The following FLRT3 variants were observed in gnomAD, a reference collection of about 807,000 sequenced individuals.
FLRT3 encodes the protein leucine-rich repeat transmembrane protein FLRT3.
A neutral mutation model predicts 42.6 loss-of-function variants in FLRT3; 17 were observed. That is an observed-to-expected ratio of 0.40 (90% CI 0.27 to 0.60). FLRT3 has a LOEUF of 0.60. FLRT3 is among the 20% of genes least tolerant of loss of function. The pLI is 0.44. For synonymous variants in FLRT3, 279 were observed against 286.4 expected, an observed-to-expected ratio of 0.97 and a Z score of 0.26; for missense variants, 635 against 789.2, an observed-to-expected ratio of 0.80 and a Z score of 2.34.
intron 1 of FLRT3, 43 bp downstream of exon 1, chr20:14,337,361 A>G (rs961320028): frequency 6.8e-5 from 23 of 335,850 alleles, no homozygotes; most frequent in African/African-American, 4.9e-4. Flanking sequence ...AACCAAGCAA[A>G]CTTTCTGGGA....
intron 1 of FLRT3, among the ~76,000 whole-genome samples, chr20:14,333,030 C>T (rs926286496): frequency 1.3e-5 from 2 of 151,928 alleles, no homozygotes; most frequent in South Asian, 2.1e-4. Context: ...TTAAATTTTC[C>T]ATGATCATCA....
rs376930710 is a variant in FLRT3, at chr20:14,325,600, T to C, written c.1907A>G (p.Tyr636Cys). Residue 636 changes from tyrosine (Y) to cysteine (C), a missense_variant, in exon 3 of 3, where the codon TAC becomes TGC. Coordinates refer to ENST00000341420, the MANE Select transcript of FLRT3 (RefSeq NM_198391.3). ...TGAGTCTGGAATACCACTGTCTCTG[T>C]AGCTTCGGTTACTACTGCTTTCACT... ...NHSESSSNRSYRDSGIPDSDH... is the reference protein window; with the variant it reads ...NHSESSSNRSCRDSGIPDSDH... 1.9e-5 allele frequency: 30 copies of C among 1,613,252 alleles called. No individual in the cohort carries two copies. The highest frequency in any genetic ancestry group is 2.7e-5 in the African/African-American group (2 of 74,876).
chr20:14,324,157 A>G lies in FLRT3; in HGVS notation c.*1400T>C, dbSNP rs1416235070. The G allele has an allele frequency of 2.6e-5, 4 of 152,646 alleles. No individual in the cohort carries two copies. The highest frequency in any genetic ancestry group is 1.3e-4 in the Admixed American group (2 of 15,270). 9.5% of individuals were successfully genotyped at this position (152,646 alleles called of 1,614,324 possible). ...TACTTTTTAAAAGTTTTATTCAGCAATAAGACCATAATTTTTCATATTTAA... is the reference window on the plus strand; with the variant it reads ...TACTTTTTAAAAGTTTTATTCAGCAGTAAGACCATAATTTTTCATATTTAA... On this transcript the variant is annotated 3_prime_UTR_variant, in exon 3 of 3. Transcript: ENST00000341420.
chr20:14,337,349 A>T, intron 1 of FLRT3, 55 bp downstream of exon 1: 2 of 311,464 alleles, frequency 6.4e-6, no homozygotes, highest in East Asian at 4.8e-5. Context: ...TCTAGAGAGT[A>T]AAACCAAGCA....
At chr20:14,328,727 C>T (rs751863049) in intron 2 of FLRT3, among the ~76,000 whole-genome samples, 64 of 152,166 alleles carry the variant, frequency 4.2e-4, no homozygotes, top group Admixed American at 7.2e-4. Flanking sequence ...ATGGCGTACA[C>T]ACCTCCAGAT....
rs898728711 is a variant in FLRT3 at position 14,327,161 on chromosome 20, T to C, written c.346A>G (p.Ile116Val). Residue 116 changes from isoleucine to valine, a missense_variant, in exon 3 of 3, where the codon ATA becomes GTA. Physicochemically the swap from Ile to Val is conservative, Grantham distance 29 (BLOSUM62 3). Transcript: ENST00000341420. ...VKELHLQENN[I>V]RTITYDSLSK... ...AGTGAATCATAAGTGATAGTCCTTATGTTATTTTCTTGCAAATGTAACTCT... is the reference window on the plus strand; with the variant it reads ...AGTGAATCATAAGTGATAGTCCTTACGTTATTTTCTTGCAAATGTAACTCT... 29 of 1,613,646 alleles carry C rather than the reference T, an allele frequency of 1.8e-5. No homozygotes were observed. The highest frequency in any genetic ancestry group is 2.4e-5 in the Non-Finnish European group (28 of 1,179,760).
chr20:14,325,114 G>GTT lies in FLRT3; in HGVS notation c.*441_*442dup, dbSNP rs397866154. 6.2e-5 allele frequency: 9 copies of GTT among 146,018 alleles called. No individual in the cohort carries two copies. The highest frequency in any genetic ancestry group is 2.2e-4 in the South Asian group (1 of 4,554). 9.0% of individuals were successfully genotyped at this position (146,018 alleles called of 1,614,324 possible). The stretch of plus-strand genomic sequence containing the variant: ...TTTATCTCATTCAGCCATTCAGCCA[G>GTT]TTTTTTTTTTTTACATTTTATTAAT... On this transcript the variant is annotated 3_prime_UTR_variant, in exon 3 of 3. Transcript: ENST00000341420.
Position 14,325,631 on chromosome 20 carries a change from T to A in FLRT3, c.1876A>T (p.Asn626Tyr). 1 of 1,613,678 alleles carries A rather than the reference T, an allele frequency of 6.2e-7. No individual in the cohort carries two copies. The highest frequency in any genetic ancestry group is 8.5e-7 in the Non-Finnish European group (1 of 1,179,712). Residue 626 changes from asparagine to tyrosine, a missense_variant, in exon 3 of 3, where the codon AAT becomes TAT. Physicochemically the swap from Asn to Tyr is moderately radical, Grantham distance 143. Transcript: ENST00000341420. ...PPNGMNLYKN[N>Y]HSESSSNRSY... ...CGGTTACTACTGCTTTCACTGTGAT[T>A]GTTTTTGTACAGATTCATTCCATTA...
chr20:14,323,282 A>G lies in FLRT3; in HGVS notation c.*2275T>C, dbSNP rs1256408644. ...TTTTGTGTTCTATTAATTTGCTACA[A>G]CAGCTCACAAAATGCAAGGAAACAG... On this transcript the variant is annotated 3_prime_UTR_variant, in exon 3 of 3. Transcript: ENST00000341420. 6.6e-6 allele frequency: 1 copy of G among 152,122 alleles called. No individual in the cohort carries two copies. Among genetic ancestry groups the G allele is most frequent in the Non-Finnish European group, 1.5e-5 (1 of 68,016 alleles). The allele number at this position is 152,122 out of a possible 1,614,324, so 9.4% of individuals were successfully genotyped here.
chr20:14,336,494 T>G (rs977227404), intron 1 of FLRT3, among the ~76,000 whole-genome samples: 3 of 152,176 alleles, frequency 2.0e-5, no homozygotes, highest in African/African-American at 7.2e-5. Flanking sequence ...TTTAACTACT[T>G]TTTCAAGCTT....
Position 14,326,582 on chromosome 20 carries a change from A to C in FLRT3, c.925T>G (p.Cys309Gly). 1 of 1,613,900 alleles carries C rather than the reference A, an allele frequency of 6.2e-7. No individual in the cohort carries two copies. The highest frequency in any genetic ancestry group is 1.1e-5 in the South Asian group (1 of 91,090). Residue 309 changes from cysteine (C) to glycine (G), a missense_variant, in exon 3 of 3, where the codon TGC (cysteine) becomes GGC (glycine). By Grantham distance (159) the Cys-to-Gly change is radical. Coordinates refer to ENST00000341420, the MANE Select transcript of FLRT3 (RefSeq NM_198391.3). This position sits in a 1 kb window ranked among gnomAD's most constrained non-coding sequence, Gnocchi z 5.5. ...CGTACCCATTTCATCTTGCACCCGC[A>C]ATACCAGGGATTGTTGCGAAGAATC... ...QLILRNNPWY[C>G]GCKMKWVRDW...
At chr20:14,337,363 T>A in intron 1 of FLRT3, 41 bp downstream of exon 1, 150 of 265,406 alleles carry the variant, frequency 5.7e-4, no homozygotes, top group South Asian at 7.5e-4. Flanking sequence ...CCAAGCAAAC[T>A]TTCTGGGACA....
At chr20:14,328,347 A>C (rs2082772382) in intron 2 of FLRT3, among the ~76,000 whole-genome samples, 1 of 152,110 alleles carries the variant, frequency 6.6e-6, no homozygotes, top group Non-Finnish European at 1.5e-5. Context: ...TTCATACTGC[A>C]GGTTTTAATG....
chr20:14,333,130 G>GT (rs2082874337), intron 1 of FLRT3, among the ~76,000 whole-genome samples: 1 of 151,988 alleles, frequency 6.6e-6, no homozygotes, highest in African/African-American at 2.4e-5. Context: ...AGTCTGAAGG[G>GT]TTTGCTGAGA....
intron 1 of FLRT3, among the ~76,000 whole-genome samples, chr20:14,334,081 G>C (rs1455333394): frequency 1.3e-5 from 2 of 152,172 alleles, no homozygotes; most frequent in Non-Finnish European, 2.9e-5. Context: ...TTTAGGGTAG[G>C]AAAGAGATTA....
At position 14,323,124 on chromosome 20, in the gene FLRT3, TA is replaced by T. The variant is rs1319086176; in HGVS notation, c.*2432del. The T allele has an allele frequency of 6.6e-6, 1 of 152,188 alleles. No individual in the cohort carries two copies. The highest frequency in any genetic ancestry group is 1.5e-5 in the Non-Finnish European group (1 of 68,040). 9.4% of individuals were successfully genotyped at this position (152,188 alleles called of 1,614,324 possible). Reference sequence around the variant, plus strand: ...CAGCTGGGTGTCCTCCAATTCAGTTTAATCCCAACACTGTCTACCTGGAAAT... The same window carrying T: ...CAGCTGGGTGTCCTCCAATTCAGTTTATCCCAACACTGTCTACCTGGAAAT... On this transcript the variant is annotated 3_prime_UTR_variant, in exon 3 of 3. Transcript: ENST00000341420.
chr20:14,328,459 A>G (rs922903204), intron 2 of FLRT3, among the ~76,000 whole-genome samples: 5 of 152,060 alleles, frequency 3.3e-5, no homozygotes, highest in South Asian at 2.1e-4. Flanking sequence ...AACTTTTTCT[A>G]TGGCTGGCAA....
rs965980916 is a variant in FLRT3 at position 14,334,095 on chromosome 20, A to G, written c.-247+3309T>C. ...TTTTAGGGTAGGAAAGAGATTATGCATATGCAAAACAAATGAAATTTTAGC... is the reference window on the plus strand; with the variant it reads ...TTTTAGGGTAGGAAAGAGATTATGCGTATGCAAAACAAATGAAATTTTAGC... On this transcript the variant is annotated intron_variant, in intron 1 of 2. Coordinates refer to ENST00000341420, the MANE Select transcript of FLRT3 (RefSeq NM_198391.3). Among the ~76,000 whole-genome samples the G allele has an allele frequency of 7.9e-5, 12 of 152,234 alleles. No individual in the cohort carries two copies. In the East Asian group the frequency reaches 1.2e-3, roughly 15 times the overall value.
At chr20:14,333,830 A>G (rs1434895817) in intron 1 of FLRT3, among the ~76,000 whole-genome samples, 1 of 152,198 alleles carries the variant, frequency 6.6e-6, no homozygotes, top group African/African-American at 2.4e-5. Flanking sequence ...GAGGAAGAAA[A>G]TCAACAACAC....
Sources: gnomAD v4.1 joint callset for allele counts (sites outside exome capture counted in the v4.1 genomes callset) on GRCh38, gnomAD v4.1.1 for gene constraint, Gnocchi (gnomAD v3.1) non-coding constraint, MANE v1.5 for transcripts, NCBI Gene and HGNC (gene_info 2026-07-23, HGNC 2026-07-21) for gene names.